The following ADAMTS17 variants were observed in gnomAD, a reference collection of about 807,000 sequenced individuals.
ADAMTS17 encodes the protein A disintegrin and metalloproteinase with thrombospondin motifs 17.
A neutral mutation model predicts 141.5 loss-of-function variants in ADAMTS17; 113 were observed. The ratio of observed to expected loss-of-function variants is 0.80; its 90% CI spans 0.69 to 0.93. ADAMTS17 has a LOEUF of 0.93. Among genes scored for constraint, ADAMTS17 ranks in the 40% least tolerant of loss-of-function variants. The probability of loss-of-function intolerance (pLI) is 0.00; values close to 1 mark genes in which losing one functional copy is unlikely to be tolerated. For missense variants in ADAMTS17, 1,659 were observed against 1,517.9 expected, an observed-to-expected ratio of 1.09 and a Z score of -1.54; for synonymous variants, 768 against 630.6, an observed-to-expected ratio of 1.22 and a Z score of -3.27.
intron 7 of ADAMTS17, among the ~76,000 whole-genome samples, chr15:100,222,306 GCT>G (rs1364440765): frequency 7.2e-5 from 11 of 152,198 alleles, no homozygotes; most frequent in African/African-American, 2.7e-4. Flanking sequence ...GCTGTGGATG[GCT>G]CTTAATACCA....
chr15:100,247,325 C>T (rs143278944), intron 7 of ADAMTS17, among the ~76,000 whole-genome samples: 27 of 152,338 alleles, frequency 1.8e-4, no homozygotes, highest in African/African-American at 6.5e-4. Flanking sequence ...CTGGTCTAGC[C>T]AGTAAAACTT....
intron 4 of ADAMTS17, among the ~76,000 whole-genome samples, chr15:100,262,643 AT>A (rs1486163740): frequency 6.6e-6 from 1 of 152,114 alleles, no homozygotes; most frequent in Non-Finnish European, 1.5e-5. Flanking sequence ...GAGGCTCATG[AT>A]GGGGAAACTA....
intron 7 of ADAMTS17, among the ~76,000 whole-genome samples, chr15:100,200,689 T>C (rs969849136): frequency 6.6e-6 from 1 of 152,194 alleles, no homozygotes; most frequent in Non-Finnish European, 1.5e-5. Flanking sequence ...GTGGCTCTGC[T>C]GGCATAGCGC....
chr15:100,051,025 C>T (rs2032096248), intron 17 of ADAMTS17, among the ~76,000 whole-genome samples: 1 of 152,200 alleles, frequency 6.6e-6, no homozygotes, highest in Admixed American at 6.5e-5. Context: ...AGACAACCAT[C>T]CTATTTCAGA....
chr15:100,203,491 G>A (rs1304871573), intron 7 of ADAMTS17, among the ~76,000 whole-genome samples: 1 of 152,214 alleles, frequency 6.6e-6, no homozygotes, highest in African/African-American at 2.4e-5. Context: ...GGATCATGAG[G>A]TCAGGAGATC....
chr15:100,103,468 T>G (rs927298120), intron 14 of ADAMTS17, among the ~76,000 whole-genome samples: 3 of 152,160 alleles, frequency 2.0e-5, no homozygotes, highest in African/African-American at 7.2e-5. Context: ...GGACAGGAAA[T>G]AGGAGGCCAA....
chr15:100,145,353 C>G (rs1397414100), intron 10 of ADAMTS17, among the ~76,000 whole-genome samples: 1 of 152,204 alleles, frequency 6.6e-6, no homozygotes, highest in African/African-American at 2.4e-5. Context: ...TTAATTGCTT[C>G]ACCCCTAAAA....
At chr15:100,223,738 G>A (rs569420814) in intron 7 of ADAMTS17, among the ~76,000 whole-genome samples, 1 of 143,708 alleles carries the variant, frequency 7.0e-6, no homozygotes, top group Admixed American at 6.7e-5. Flanking sequence ...ATATACACAT[G>A]TATGTGTATA....
chr15:100,295,749 G>A (rs1025972485), intron 3 of ADAMTS17, among the ~76,000 whole-genome samples: 1 of 152,150 alleles, frequency 6.6e-6, no homozygotes, highest in South Asian at 2.1e-4. Flanking sequence ...AAATCCCTCT[G>A]TTAGAAATAC....
Position 100,006,173 on chromosome 15 carries a change from A to C in ADAMTS17, c.2592-8584T>G, listed in dbSNP as rs112214932. Among the ~76,000 whole-genome samples, 16 of 152,272 alleles carry C rather than the reference A, an allele frequency of 1.1e-4. 1 individual carries two copies. The highest frequency in any genetic ancestry group is 3.6e-4 in the African/African-American group (15 of 41,538). On this transcript the variant is annotated intron_variant, in intron 18 of 21. Coordinates refer to ENST00000268070, the MANE Select transcript of ADAMTS17 (RefSeq NM_139057.4). ...CTGGGGGTTAGGACTTCAATAAAAG[A>C]ATTTTGAAGAGGACACAATTCAATC...
chr15:100,156,787 C>T (rs934526156), intron 8 of ADAMTS17, among the ~76,000 whole-genome samples: 2 of 152,212 alleles, frequency 1.3e-5, no homozygotes, highest in South Asian at 2.1e-4. Flanking sequence ...GGCTGCTTCA[C>T]AAGTCTTTTA....
chr15:100,278,556 G>A (rs879320229), intron 4 of ADAMTS17, among the ~76,000 whole-genome samples: 2 of 152,080 alleles, frequency 1.3e-5, no homozygotes, highest in African/African-American at 2.4e-5. Flanking sequence ...TGGGTCCAGC[G>A]GCTCGACATG....
chr15:100,179,326 C>T (rs1022124012), intron 8 of ADAMTS17, among the ~76,000 whole-genome samples: 5 of 152,096 alleles, frequency 3.3e-5, no homozygotes, highest in Non-Finnish European at 5.9e-5. Context: ...ATGTGAAGTT[C>T]GTATTTCTGT....
chr15:99,981,242 A>C lies in ADAMTS17; in HGVS notation c.2950-5020T>G, dbSNP rs549855042. On this transcript the variant is annotated intron_variant, in intron 20 of 21. Transcript: ENST00000268070. Reference sequence around the variant, plus strand: ...TTCCTAGCATGGGTCACTGGCTTTTAATTTTCCAGTCTATAAATAGAACTG... The same window carrying C: ...TTCCTAGCATGGGTCACTGGCTTTTCATTTTCCAGTCTATAAATAGAACTG... Among the ~76,000 whole-genome samples the C allele has an allele frequency of 2.6e-5, 4 of 152,254 alleles. No individual in the cohort carries two copies. The East Asian group carries it at 7.7e-4, about 29-fold the overall frequency.
In ADAMTS17 at chr15:100,163,141, G is replaced by A. The variant is rs373183348; in HGVS notation, c.1182-7821C>T. Among the ~76,000 whole-genome samples, 26 of 151,424 alleles carry A rather than the reference G, an allele frequency of 1.7e-4. No homozygotes were observed. The South Asian group carries it at 4.6e-3, about 27-fold the overall frequency. ...GACAGGTATATACCTACACTTACAC[G>A]TACGTACATATATACACACATACAT... On this transcript the variant is annotated intron_variant, in intron 8 of 21. Coordinates refer to ENST00000268070, the MANE Select transcript of ADAMTS17 (RefSeq NM_139057.4).
chr15:100,060,697 C>T (rs976301412), intron 15 of ADAMTS17, among the ~76,000 whole-genome samples: 3 of 152,228 alleles, frequency 2.0e-5, no homozygotes, highest in Admixed American at 6.5e-5. Context: ...TTTATTTCCA[C>T]TCGGAGTTCT....
At chr15:100,207,659 G>A (rs1046614539) in intron 7 of ADAMTS17, among the ~76,000 whole-genome samples, 1 of 152,144 alleles carries the variant, frequency 6.6e-6, no homozygotes, top group Non-Finnish European at 1.5e-5. Context: ...AAAATATGGT[G>A]GAGTGGGGGT....
At position 100,091,557 on chromosome 15, in the gene ADAMTS17, G is replaced by C. The variant is rs987947541; in HGVS notation, c.2137+4799C>G. On this transcript the variant is annotated intron_variant, in intron 15 of 21. Transcript: ENST00000268070. ...CCTTTAACCTGTCTCAAATCTTCCA[G>C]AGTTACTATTACTAGGCTATGAGCA... Among the ~76,000 whole-genome samples, 3 of 152,176 alleles carry C rather than the reference G, an allele frequency of 2.0e-5. No homozygotes were observed. In the East Asian group the frequency reaches 5.8e-4, roughly 29 times the overall value.
intron 7 of ADAMTS17, among the ~76,000 whole-genome samples, chr15:100,220,370 T>TC (rs67384938): frequency 3.6e-5 from 5 of 140,628 alleles, no homozygotes; most frequent in Admixed American, 7.1e-5. Context: ...CCACCTTTCT[T>TC]CTTTCCCCCG....
Sources: allele counts gnomAD v4.1 joint callset (sites outside exome capture counted in the v4.1 genomes callset), GRCh38; gene constraint gnomAD v4.1.1; transcripts MANE v1.5; gene names NCBI Gene and HGNC (gene_info 2026-07-23, HGNC 2026-07-21).